The following CREM variants were observed in gnomAD, a reference collection of about 807,000 sequenced individuals.
CREM encodes cAMP responsive element modulator, also known as cAMP-responsive element modulator.
In CREM, 13 loss-of-function variants were observed where a neutral mutation model predicts 37.3. The ratio of observed to expected loss-of-function variants is 0.35; its 90% confidence interval spans 0.23 to 0.55. The LOEUF is 0.55. CREM is among the 20% of genes least tolerant of loss of function. The pLI, the probability that CREM is intolerant of heterozygous loss-of-function variation, is 0.88. For missense variants in CREM, 296 were observed against 362.3 expected (o/e 0.82, Z 1.49); for synonymous variants, 124 against 120.2 (o/e 1.03, Z -0.21).
chr10:35,187,138 T>TATATA (rs1564921810), intron 5 of CREM, among the ~76,000 whole-genome samples: 1 of 65,852 alleles, frequency 1.5e-5, no homozygotes, highest in Admixed American at 2.7e-4. Flanking sequence ...ATTAATATAT[T>TATATA]AATATATAAT....
rs533177890 is a variant in CREM, at chr10:35,142,787, A to G, written c.44+4908A>G. Among the ~76,000 whole-genome samples the G allele has an allele frequency of 1.5e-4, 23 of 152,030 alleles. No homozygotes were observed. The South Asian group carries it at 2.9e-3, about 19-fold the overall frequency. ...CGCCCAGCTAACTTTTTTGTTTTCT[A>G]TGTGGAGACGGGGTCTCACTATGTT... On this transcript the variant is annotated intron_variant, in intron 2 of 7. Transcript: ENST00000685392.
At chr10:35,184,107 G>A (rs1478463) in intron 5 of CREM, among the ~76,000 whole-genome samples, 50,171 of 151,842 alleles carry the variant, frequency 0.33, 8,375 homozygotes, top group South Asian at 0.35. Context: ...AATAAGAAGT[G>A]TATAACATCG....
chr10:35,179,523 A>T (rs534598395), intron 5 of CREM: 10 of 415,314 alleles, frequency 2.4e-5, no homozygotes, highest in African/African-American at 1.4e-4. Context: ...AAAAAGGAGA[A>T]TTTTTCCTAT....
intron 7 of CREM, 126 bp downstream of exon 7, chr10:35,207,177 G>A: frequency 2.2e-6 from 2 of 919,746 alleles, no homozygotes; most frequent in South Asian, 3.5e-5. Context: ...CGGATCACAG[G>A]GTCAGGAGAT....
rs372126215 is a variant in CREM, at chr10:35,148,451, A to G, written c.128A>G (p.Gln43Arg). The change falls in exon 3 of 8, where the codon CAG (glutamine) becomes CGG (arginine). Residue 43 changes from glutamine to arginine, a missense_variant. Coordinates refer to ENST00000685392, the MANE Select transcript of CREM (RefSeq NM_183011.2). ...SLTESKSAHV[Q>R]TQTGQNSIPA... ...ACAGAGAGCAAGTCTGCTCATGTGC[A>G]GACTCAGACTGGCCAAAATTCAATC... 4 of 1,613,510 alleles carry G rather than the reference A, an allele frequency of 2.5e-6. No homozygotes were observed. Among genetic ancestry groups the G allele is most frequent in the African/African-American group, 1.3e-5 (1 of 74,924 alleles).
chr10:35,200,971 C>G (rs2095365909), intron 6 of CREM, among the ~76,000 whole-genome samples: 3 of 151,406 alleles, frequency 2.0e-5, no homozygotes, highest in Non-Finnish European at 4.4e-5. Context: ...TTATTTATTT[C>G]TTTGTTTCCT....
chr10:35,193,303 G>A (rs2094997934), intron 6 of CREM, among the ~76,000 whole-genome samples: 1 of 152,088 alleles, frequency 6.6e-6, no homozygotes, highest in African/African-American at 2.4e-5. Context: ...CTGGTCCAGG[G>A]AATACATTAA....
chr10:35,129,310 ACTT>A (rs571285462), intron 1 of CREM, among the ~76,000 whole-genome samples: 41 of 152,336 alleles, frequency 2.7e-4, no homozygotes, highest in African/African-American at 8.2e-4. Flanking sequence ...AATGAAATTT[ACTT>A]CTTCTTCCTG....
At chr10:35,149,919 CA>C (rs1357043986) in intron 3 of CREM, among the ~76,000 whole-genome samples, 3 of 151,026 alleles carry the variant, frequency 2.0e-5, no homozygotes, top group East Asian at 1.9e-4. Flanking sequence ...CACACACACA[CA>C]CACACACACA....
At chr10:35,195,285 C>T (rs1590348055) in intron 6 of CREM, 1 of 1,568,692 alleles carries the variant, frequency 6.4e-7, no homozygotes, top group South Asian at 1.1e-5. Context: ...TATTCAGGAA[C>T]ATCTGAGTGT....
At chr10:35,203,850 T>C (rs1242990750) in intron 6 of CREM, among the ~76,000 whole-genome samples, 2 of 151,960 alleles carry the variant, frequency 1.3e-5, no homozygotes, top group Admixed American at 6.6e-5. Flanking sequence ...TCTCTACCCA[T>C]TAATTTTACT....
At chr10:35,181,501 ACT>A (rs2094349345) in intron 5 of CREM, among the ~76,000 whole-genome samples, 1 of 151,836 alleles carries the variant, frequency 6.6e-6, no homozygotes. Context: ...CTTAAACCTC[ACT>A]CTGTGTGTCT....
chr10:35,154,275 G>A, intron 3 of CREM: 1 of 389,126 alleles, frequency 2.6e-6, no homozygotes, highest in Non-Finnish European at 4.5e-6. Context: ...TAGGAAGGAT[G>A]TAGATGGCAA....
At chr10:35,184,732 CAA>C (rs1338137210) in intron 5 of CREM, among the ~76,000 whole-genome samples, 1 of 151,842 alleles carries the variant, frequency 6.6e-6, no homozygotes, top group Non-Finnish European at 1.5e-5. Context: ...ATTGTGAAAA[CAA>C]AGTTTTTTGA....
At chr10:35,207,579 T>G (rs921830304) in intron 7 of CREM, among the ~76,000 whole-genome samples, 9 of 152,034 alleles carry the variant, frequency 5.9e-5, no homozygotes, top group Admixed American at 6.6e-5. Flanking sequence ...ATTGAGACCA[T>G]CCTGGCCAAT....
chr10:35,194,638 G>C (rs2095069691), intron 6 of CREM, among the ~76,000 whole-genome samples: 1 of 152,002 alleles, frequency 6.6e-6, no homozygotes, highest in Admixed American at 6.6e-5. Flanking sequence ...GTAGCAAATG[G>C]CTCAGCAAAT....
chr10:35,147,342 C>T (rs2092248769), intron 2 of CREM, among the ~76,000 whole-genome samples: 2 of 151,850 alleles, frequency 1.3e-5, no homozygotes, highest in South Asian at 2.1e-4. Context: ...CGTGAGCCAC[C>T]GTGCCCGGCC....
chr10:35,205,630 T>C (rs992492404), intron 6 of CREM, among the ~76,000 whole-genome samples: 18 of 152,206 alleles, frequency 1.2e-4, no homozygotes, highest in Admixed American at 7.9e-4. Context: ...AGTGGTGTGC[T>C]ACAGTCAGCT....
At chr10:35,205,718 C>T (rs1212385486) in intron 6 of CREM, among the ~76,000 whole-genome samples, 5 of 151,890 alleles carry the variant, frequency 3.3e-5, no homozygotes, top group Non-Finnish European at 7.4e-5. Flanking sequence ...CAACACTTTG[C>T]GAGGTTGAGG....
Sources: gnomAD v4.1 joint callset for allele counts (sites outside exome capture counted in the v4.1 genomes callset) on GRCh38, gnomAD v4.1.1 for gene constraint, MANE v1.5 for transcripts, NCBI Gene and HGNC (gene_info 2026-07-23, HGNC 2026-07-21) for gene names.